Variants in IGF2BP3 observed in about 807,000 individuals in gnomAD.
IGF2BP3 encodes insulin-like growth factor 2 mRNA-binding protein 3.
IGF2BP3 carries 9 observed loss-of-function variants against 73.8 expected under a neutral mutation model. That is an observed-to-expected ratio of 0.12 (90% CI 0.07 to 0.21). The LOEUF (loss-of-function observed/expected upper bound fraction) is 0.21. Among genes scored for constraint, IGF2BP3 ranks in the 10% least tolerant of loss-of-function variants. The pLI, the probability that IGF2BP3 is intolerant of heterozygous loss-of-function variation, is 1.00. For synonymous variants in IGF2BP3, 258 were observed against 256.7 expected (o/e 1.01, Z -0.05); for missense variants, 542 against 714.0 (o/e 0.76, Z 2.75).
At chr7:23,367,729 G>A (rs922158386) in intron 3 of IGF2BP3, among the ~76,000 whole-genome samples, 4 of 152,056 alleles carry the variant, frequency 2.6e-5, no homozygotes, top group East Asian at 1.9e-4. Flanking sequence ...GGCTGGGCGC[G>A]GTGGCTCACG....
At chr7:23,467,417 A>G (rs1788589682) in intron 2 of IGF2BP3, among the ~76,000 whole-genome samples, 1 of 152,186 alleles carries the variant, frequency 6.6e-6, no homozygotes, top group African/African-American at 2.4e-5. Flanking sequence ...TCAGCTTATT[A>G]TTTGGCTCAG....
At chr7:23,386,090 A>G (rs1786073233) in intron 3 of IGF2BP3, among the ~76,000 whole-genome samples, 1 of 152,206 alleles carries the variant, frequency 6.6e-6, no homozygotes, top group South Asian at 2.1e-4. Context: ...AGAAAATGAG[A>G]TTGGCCTTAA....
At chr7:23,321,241 G>A (rs1216321665) in intron 10 of IGF2BP3, among the ~76,000 whole-genome samples, 118 of 142,606 alleles carry the variant, frequency 8.3e-4, no homozygotes, top group South Asian at 1.6e-3. Flanking sequence ...GAAGCAGGGC[G>A]AGGCATTGCC....
intron 3 of IGF2BP3, among the ~76,000 whole-genome samples, chr7:23,412,841 CCT>C (rs1787067812): frequency 1.1e-5 from 1 of 87,928 alleles, no homozygotes; most frequent in Non-Finnish European, 2.1e-5. Context: ...AAGACTCTGG[CCT>C]TTTTTTTTTT....
intron 3 of IGF2BP3, among the ~76,000 whole-genome samples, chr7:23,398,304 G>T (rs998362652): frequency 3.9e-5 from 6 of 152,144 alleles, no homozygotes; most frequent in Non-Finnish European, 7.3e-5. Flanking sequence ...TCTTAATCCA[G>T]TCTGTCATTG....
intron 3 of IGF2BP3, among the ~76,000 whole-genome samples, chr7:23,378,861 C>T (rs1258558876): frequency 1.3e-5 from 2 of 152,018 alleles, no homozygotes; most frequent in African/African-American, 2.4e-5. Flanking sequence ...TGTGAGCCAC[C>T]GTGCCTGGCC....
intron 3 of IGF2BP3, among the ~76,000 whole-genome samples, chr7:23,397,839 C>T (rs1403642639): frequency 6.6e-6 from 1 of 152,038 alleles, no homozygotes; most frequent in African/African-American, 2.4e-5. Flanking sequence ...CGAGTGTTAC[C>T]TTATATGGCA....
intron 3 of IGF2BP3, among the ~76,000 whole-genome samples, chr7:23,398,257 G>A (rs886970345): frequency 4.6e-5 from 7 of 152,040 alleles, no homozygotes; most frequent in African/African-American, 1.7e-4. Flanking sequence ...ATTTTTTATG[G>A]CTGCATAGTA....
At chr7:23,408,087 A>G (rs985233566) in intron 3 of IGF2BP3, among the ~76,000 whole-genome samples, 2 of 152,154 alleles carry the variant, frequency 1.3e-5, no homozygotes, top group Non-Finnish European at 2.9e-5. Flanking sequence ...ACAAACTAGA[A>G]ACAGAAGGCA....
chr7:23,432,442 T>C (rs12700439), intron 2 of IGF2BP3, among the ~76,000 whole-genome samples: 58,658 of 151,882 alleles, frequency 0.39, 11,729 homozygotes, highest in South Asian at 0.48. Flanking sequence ...GCACACATCA[T>C]CACACTGGGC....
chr7:23,362,572 T>C (rs1241251579), intron 3 of IGF2BP3: 1 of 152,194 alleles, frequency 6.6e-6, no homozygotes, highest in Non-Finnish European at 1.5e-5. Context: ...GTTATCCAAA[T>C]GGAGAGGCTG....
intron 2 of IGF2BP3, among the ~76,000 whole-genome samples, chr7:23,451,114 C>G (rs12536750): frequency 0.12 from 18,673 of 151,956 alleles, 1,223 homozygotes; most frequent in Middle Eastern, 0.15. Flanking sequence ...AAAAACAGTT[C>G]TCTTTTATAA....
intron 3 of IGF2BP3, among the ~76,000 whole-genome samples, chr7:23,376,566 AG>A (rs1785727067): frequency 6.6e-6 from 1 of 150,710 alleles, no homozygotes; most frequent in Non-Finnish European, 1.5e-5. Flanking sequence ...AAAGAAAGAA[AG>A]AAAGAAAAAG....
At chr7:23,378,889 G>A (rs1437483170) in intron 3 of IGF2BP3, among the ~76,000 whole-genome samples, 1 of 151,880 alleles carries the variant, frequency 6.6e-6, no homozygotes. Context: ...CTATTCGTAA[G>A]GCTCCCCCGG....
At chr7:23,429,403 TAC>T (rs1268356031) in intron 2 of IGF2BP3, among the ~76,000 whole-genome samples, 1 of 152,210 alleles carries the variant, frequency 6.6e-6, no homozygotes, top group Non-Finnish European at 1.5e-5. Context: ...TTTGTCTGAA[TAC>T]ACACACAGCT....
Position 23,379,029 on chromosome 7 carries a change from G to A in IGF2BP3, c.286-17288C>T, listed in dbSNP as rs1451329058. 3.3e-5 allele frequency among the ~76,000 whole-genome samples: 5 copies of A among 152,214 alleles called. No homozygotes were observed. The East Asian group carries it at 9.6e-4, about 29-fold the overall frequency. ...CATATTGAACACACTGCTAGGACAA[G>A]GTCAGAGTTCTATGGAAGAAAGCGG... is the stretch of plus-strand genomic sequence containing the variant. On this transcript the variant is annotated intron_variant, in intron 3 of 14. Transcript: ENST00000258729.
intron 2 of IGF2BP3, among the ~76,000 whole-genome samples, chr7:23,439,474 G>T (rs1280537124): frequency 7.3e-5 from 11 of 150,072 alleles, no homozygotes; most frequent in Admixed American, 7.3e-4. Context: ...CAGGAGAATG[G>T]CGTGAGTAGG....
chr7:23,388,383 T>C (rs1258257934), intron 3 of IGF2BP3, among the ~76,000 whole-genome samples: 1 of 152,098 alleles, frequency 6.6e-6, no homozygotes, highest in Non-Finnish European at 1.5e-5. Flanking sequence ...CAACTGACAA[T>C]GCACAGATGA....
intron 3 of IGF2BP3, among the ~76,000 whole-genome samples, chr7:23,375,600 C>CAGCA (rs1237263884): frequency 6.6e-6 from 1 of 152,174 alleles, no homozygotes; most frequent in Non-Finnish European, 1.5e-5. Context: ...AAGGGAAAGA[C>CAGCA]AGCAGTTCAG....
Sources: gnomAD v4.1 joint callset for allele counts (sites outside exome capture counted in the v4.1 genomes callset) on GRCh38, gnomAD v4.1.1 for gene constraint, MANE v1.5 for transcripts, NCBI Gene and HGNC (gene_info 2026-07-23, HGNC 2026-07-21) for gene names.